Variants in ARHGAP8 observed in about 807,000 individuals in gnomAD.
ARHGAP8 encodes Rho GTPase activating protein 8, also known as rho GTPase-activating protein 8.
Under a neutral mutation model 46.1 loss-of-function variants are expected in ARHGAP8, and 62 were observed. The observed-to-expected ratio is 1.34, with a 90% CI of 1.10 to 1.66. The LOEUF (loss-of-function observed/expected upper bound fraction) is 1.66, where lower values mean the gene tolerates loss of function less well. ARHGAP8 is among the 40% of genes most tolerant of loss of function. The pLI, the probability that ARHGAP8 is intolerant of heterozygous loss-of-function variation, is 0.00. For missense variants in ARHGAP8, 923 were observed against 568.4 expected, an observed-to-expected ratio of 1.62 and a Z score of -6.34; for synonymous variants, 375 against 243.1, an observed-to-expected ratio of 1.54 and a Z score of -5.05.
chr22:44,838,803 T>C (rs1931459739), intron 7 of ARHGAP8, among the ~76,000 whole-genome samples: 1 of 152,214 alleles, frequency 6.6e-6, no homozygotes, highest in Non-Finnish European at 1.5e-5. Context: ...TGTTCATCTG[T>C]GACATGGACC....
At chr22:44,848,853 C>G (rs773015795) in intron 9 of ARHGAP8, 79 bp from the exon 10 acceptor site, 163 of 1,592,402 alleles carry the variant, frequency 1.0e-4, no homozygotes, top group Non-Finnish European at 1.2e-4. Flanking sequence ...ATCTCACGCC[C>G]TGTGTCTCAG....
rs974917844 is a variant in ARHGAP8 at position 44,787,859 on chromosome 22, G to A, written c.79+1253G>A. 6.1e-4 allele frequency among the ~76,000 whole-genome samples: 92 copies of A among 151,312 alleles called. 1 individual carries two copies. Among genetic ancestry groups the A allele is most frequent in the African/African-American group, 1.8e-3 (76 of 41,200 alleles). On this transcript the variant is annotated intron_variant, in intron 2 of 11. Transcript: ENST00000356099. ...AACACTTTAGTGCACACTGTGTACAGGAGGGACAGCAAGAGGGCAGGACTT... is the reference window on the plus strand; with the variant it reads ...AACACTTTAGTGCACACTGTGTACAAGAGGGACAGCAAGAGGGCAGGACTT...
chr22:44,784,947 AGGGG>A (rs1927106573), intron 1 of ARHGAP8, among the ~76,000 whole-genome samples: 1 of 152,200 alleles, frequency 6.6e-6, no homozygotes, highest in South Asian at 2.1e-4. Context: ...GTTGATGAAC[AGGGG>A]CCTTGGCCCC....
At chr22:44,849,511 C>T (rs2070043621) in intron 10 of ARHGAP8, 1 of 178,790 alleles carries the variant, frequency 5.6e-6, no homozygotes, top group Non-Finnish European at 1.2e-5. Context: ...TCTGATCCTA[C>T]AGGCGCTTTG....
intron 7 of ARHGAP8, among the ~76,000 whole-genome samples, chr22:44,842,801 A>G (rs1195694572): frequency 6.6e-6 from 1 of 152,154 alleles, no homozygotes. Flanking sequence ...TTGCAACAAG[A>G]GAGAAAAGCA....
chr22:44,796,693 G>C (rs1051731140), intron 2 of ARHGAP8, among the ~76,000 whole-genome samples: 3 of 152,178 alleles, frequency 2.0e-5, no homozygotes, highest in African/African-American at 7.2e-5. Flanking sequence ...AGTCACAGAC[G>C]CTCTGAGTCC....
chr22:44,809,848 A>G (rs6007305), intron 4 of ARHGAP8: 75,035 of 152,162 alleles, frequency 0.49, 19,110 homozygotes, highest in South Asian at 0.6. Flanking sequence ...GGGACAGTGG[A>G]AGGCAGTGCC....
intron 1 of ARHGAP8, among the ~76,000 whole-genome samples, chr22:44,763,805 T>C (rs1274515042): frequency 3.4e-5 from 5 of 147,102 alleles, no homozygotes; most frequent in African/African-American, 4.9e-5. Flanking sequence ...TTCTTTTCTT[T>C]TTTTTTTTTT....
rs369774034 is a variant in ARHGAP8 at position 44,811,762 on chromosome 22, G to T, written c.300-2910G>T. On this transcript the variant is annotated intron_variant, in intron 4 of 11. Coordinates refer to ENST00000356099, the MANE Select transcript of ARHGAP8 (RefSeq NM_181335.3). ...TGTAATCCCAGCACTTTGGGAGTCT[G>T]AGGCGGGTGAGTCATTTGAGGTCAG... is the stretch of plus-strand genomic sequence containing the variant. 1.3e-4 allele frequency among the ~76,000 whole-genome samples: 20 copies of T among 152,276 alleles called. No individual in the cohort carries two copies. In the East Asian group the frequency reaches 3.5e-3, roughly 27 times the overall value.
At chr22:44,774,037 G>C (rs770749700) in intron 1 of ARHGAP8, among the ~76,000 whole-genome samples, 2 of 152,208 alleles carry the variant, frequency 1.3e-5, no homozygotes, top group Non-Finnish European at 2.9e-5. Flanking sequence ...TGCTGTTGTT[G>C]TCTATATTTT....
chr22:44,857,315 G>GT (rs2070255394), intron 10 of ARHGAP8, among the ~76,000 whole-genome samples: 1 of 152,142 alleles, frequency 6.6e-6, no homozygotes, highest in Non-Finnish European at 1.5e-5. Context: ...ACCAAGTGAG[G>GT]TGTTCCAGCC....
chr22:44,764,507 T>C lies in ARHGAP8; in HGVS notation c.-72+11880T>C, dbSNP rs543040664. Among the ~76,000 whole-genome samples the C allele has an allele frequency of 3.9e-5, 6 of 152,296 alleles. No homozygotes were observed. In the South Asian group the frequency reaches 1.2e-3, roughly 32 times the overall value. Reference sequence around the variant, plus strand: ...GGTTCTTCCTGCTCACGTTCCTTCATGTGTTTGACATTCCCTGCATGTTCT... The same window carrying C: ...GGTTCTTCCTGCTCACGTTCCTTCACGTGTTTGACATTCCCTGCATGTTCT... On this transcript the variant is annotated intron_variant, in intron 1 of 11. Coordinates refer to ENST00000356099, the MANE Select transcript of ARHGAP8 (RefSeq NM_181335.3).
chr22:44,859,964 C>G, intron 11 of ARHGAP8, 130 bp downstream of exon 11: 1 of 1,098,084 alleles, frequency 9.1e-7, no homozygotes, highest in Non-Finnish European at 1.3e-6. Context: ...GAATACCACT[C>G]CCTGCCCCCC....
intron 4 of ARHGAP8, among the ~76,000 whole-genome samples, chr22:44,812,658 G>C (rs1929421924): frequency 6.6e-6 from 1 of 152,106 alleles, no homozygotes; most frequent in Non-Finnish European, 1.5e-5. Context: ...CCCTGCCTCA[G>C]AGCCTTTTTA....
In ARHGAP8 at chr22:44,790,933, G is replaced by A. The variant is rs371247188; in HGVS notation, c.79+4327G>A. Among the ~76,000 whole-genome samples the A allele has an allele frequency of 3.3e-5, 5 of 151,934 alleles. No individual in the cohort carries two copies. In the East Asian group the frequency reaches 6.0e-4, roughly 18 times the overall value. ...ATTTTAGTAGAGACAGGGTTTCACC[G>A]TGTTGCCCAGGCTGGTCTCAAACTC... On this transcript the variant is annotated intron_variant, in intron 2 of 11. Coordinates refer to ENST00000356099, the MANE Select transcript of ARHGAP8 (RefSeq NM_181335.3).
chr22:44,772,223 C>CTTTTTTTTTTTTTTTTTT (rs71188484), intron 1 of ARHGAP8, among the ~76,000 whole-genome samples: 2 of 16,428 alleles, frequency 1.2e-4, no homozygotes, highest in African/African-American at 2.4e-4. Context: ...ACTGTTTTGC[C>CTTTTTTTTTTTTTTTTTT]TTTTTTTTTT....
At chr22:44,838,859 A>G (rs4823393) in intron 7 of ARHGAP8, among the ~76,000 whole-genome samples, 18,717 of 152,194 alleles carry the variant, frequency 0.12, 1,332 homozygotes, top group East Asian at 0.32. Flanking sequence ...GCATTGGGAC[A>G]ATTTTCGTCA....
intron 3 of ARHGAP8, among the ~76,000 whole-genome samples, chr22:44,808,006 T>C (rs1382764855): frequency 6.6e-6 from 1 of 152,230 alleles, no homozygotes; most frequent in African/African-American, 2.4e-5. Flanking sequence ...CAAAGACCTT[T>C]TTCCCAGATA....
chr22:44,770,791 T>C (rs1602151447), intron 1 of ARHGAP8, among the ~76,000 whole-genome samples: 1 of 152,234 alleles, frequency 6.6e-6, no homozygotes. Flanking sequence ...CAATGGCTGG[T>C]GACTACACCT....
Sources: gnomAD v4.1 joint callset for allele counts (sites outside exome capture counted in the v4.1 genomes callset) on GRCh38, gnomAD v4.1.1 for gene constraint, MANE v1.5 for transcripts, NCBI Gene and HGNC (gene_info 2026-07-23, HGNC 2026-07-21) for gene names.